AGMO: variants seen among roughly 807,000 people sequenced by gnomAD.
The protein encoded by AGMO is glyceryl-ether monooxygenase.
AGMO carries 75 observed loss-of-function variants against 60.2 expected under a neutral mutation model. The observed-to-expected ratio is 1.25, with a 90% CI of 1.03 to 1.51. AGMO has a LOEUF of 1.51. AGMO is among the 40% of genes most tolerant of loss of function. AGMO has a pLI of 0.00. For synonymous variants in AGMO, 261 were observed against 177.1 expected, an observed-to-expected ratio of 1.47 and a Z score of -3.76; for missense variants, 763 against 525.5, an observed-to-expected ratio of 1.45 and a Z score of -4.42.
At chr7:15,413,026 C>G (rs1780659206) in intron 5 of AGMO, among the ~76,000 whole-genome samples, 1 of 151,892 alleles carries the variant, frequency 6.6e-6, no homozygotes, top group Admixed American at 6.6e-5. Flanking sequence ...TTGAAGTAGA[C>G]CTGAATATGA....
intron 12 of AGMO, among the ~76,000 whole-genome samples, chr7:15,332,119 C>T (rs1240815705): frequency 2.0e-5 from 3 of 152,102 alleles, no homozygotes; most frequent in African/African-American, 7.2e-5. Context: ...ACACACTAGA[C>T]AGGAAGGCTA....
chr7:15,431,220 G>T, intron 3 of AGMO, 112 bp from the exon 4 acceptor site: 1 of 706,214 alleles, frequency 1.4e-6, no homozygotes, highest in Non-Finnish European at 2.5e-6. Flanking sequence ...GAACATCTCT[G>T]TAAAAGCTGG....
the AGMO span, among the ~76,000 whole-genome samples, chr7:15,138,009 C>G: frequency 6.6e-6 from 1 of 152,100 alleles, no homozygotes; most frequent in African/African-American, 2.4e-5. Context: ...TATCCTGGCC[C>G]TCAAAGGCTA....
intron 3 of AGMO, among the ~76,000 whole-genome samples, chr7:15,485,271 C>G (rs994538894): frequency 2.0e-5 from 3 of 150,722 alleles, no homozygotes; most frequent in African/African-American, 7.3e-5. Flanking sequence ...GAGCCGAGAT[C>G]ATGCCATTGC....
chr7:15,192,637 T>C, the AGMO span, among the ~76,000 whole-genome samples: 2 of 152,124 alleles, frequency 1.3e-5, no homozygotes, highest in Admixed American at 6.5e-5. Flanking sequence ...ACCCTGACTC[T>C]CCACTGAGCT....
chr7:15,272,685 G>C (rs867765629), intron 12 of AGMO, among the ~76,000 whole-genome samples: 3 of 152,114 alleles, frequency 2.0e-5, no homozygotes, highest in African/African-American at 4.8e-5. Context: ...TCTAGTTCTA[G>C]ATTCTTGAGG....
intron 12 of AGMO, among the ~76,000 whole-genome samples, chr7:15,265,219 G>C (rs1783397012): frequency 6.6e-6 from 1 of 152,078 alleles, no homozygotes; most frequent in South Asian, 2.1e-4. Context: ...ACTTACAAGT[G>C]GGAGCTAAAC....
chr7:15,493,321 CACAA>C (rs1168077819), intron 3 of AGMO, among the ~76,000 whole-genome samples: 1 of 124,820 alleles, frequency 8.0e-6, no homozygotes, highest in African/African-American at 3.5e-5. Context: ...CACACACGCG[CACAA>C]ACACACAAAA....
chr7:15,285,653 CA>C (rs1299885055), intron 12 of AGMO, among the ~76,000 whole-genome samples: 7 of 152,044 alleles, frequency 4.6e-5, no homozygotes, highest in Admixed American at 1.3e-4. Context: ...CTGCCCAAAG[CA>C]ATCTACAGAT....
intron 12 of AGMO, among the ~76,000 whole-genome samples, chr7:15,339,984 G>A (rs1198544675): frequency 6.6e-6 from 1 of 152,166 alleles, no homozygotes; most frequent in Non-Finnish European, 1.5e-5. Flanking sequence ...CTGAGGCATA[G>A]ATGGAAGGAG....
intron 12 of AGMO, among the ~76,000 whole-genome samples, chr7:15,316,656 G>A (rs1230218061): frequency 6.6e-6 from 1 of 151,870 alleles, no homozygotes; most frequent in East Asian, 1.9e-4. Flanking sequence ...TAAGCAGAGG[G>A]GATAATAATA....
chr7:15,275,154 T>A (rs1783742918), intron 12 of AGMO, among the ~76,000 whole-genome samples: 1 of 152,114 alleles, frequency 6.6e-6, no homozygotes, highest in African/African-American at 2.4e-5. Context: ...TAATTTAAGA[T>A]ACTTCTATCT....
intron 10 of AGMO, among the ~76,000 whole-genome samples, chr7:15,381,798 A>G (rs1783701691): frequency 6.6e-6 from 1 of 152,196 alleles, no homozygotes; most frequent in African/African-American, 2.4e-5. Flanking sequence ...TAGACTGGAT[A>G]AAGAAAATTA....
chr7:15,468,644 T>C (rs1206471114), intron 3 of AGMO, among the ~76,000 whole-genome samples: 2 of 152,128 alleles, frequency 1.3e-5, no homozygotes, highest in Non-Finnish European at 2.9e-5. Context: ...AGTATAGAGA[T>C]ATGTATTCGC....
At chr7:15,355,987 C>T (rs1488546071) in intron 12 of AGMO, among the ~76,000 whole-genome samples, 1 of 144,298 alleles carries the variant, frequency 6.9e-6, no homozygotes, top group Non-Finnish European at 1.5e-5. Context: ...GATCCACCCA[C>T]TTCAATAGTA....
the AGMO span, among the ~76,000 whole-genome samples, chr7:15,147,599 T>C: frequency 6.6e-6 from 1 of 152,102 alleles, no homozygotes; most frequent in Non-Finnish European, 1.5e-5. Context: ...AACCATACCA[T>C]ACCCATTATC....
intron 10 of AGMO, among the ~76,000 whole-genome samples, chr7:15,375,386 ATTTTTTTTTTTT>A (rs71004377): frequency 1.0e-4 from 11 of 109,454 alleles, no homozygotes; most frequent in African/African-American, 3.4e-4. Context: ...TTCTAAAAGG[ATTTTTTTTTTTT>A]TTTTTTTTTT....
At chr7:15,192,216 T>C in the AGMO span, among the ~76,000 whole-genome samples, 54 of 152,056 alleles carry the variant, frequency 3.6e-4, no homozygotes, top group African/African-American at 1.2e-3. Context: ...TATCCCTGTT[T>C]TCCTGCCCAA....
At chr7:15,495,859 TCTCTCTC>T (rs1425938834) in intron 3 of AGMO, among the ~76,000 whole-genome samples, 51 of 145,926 alleles carry the variant, frequency 3.5e-4, no homozygotes, top group South Asian at 2.0e-3. Context: ...CTCTCCTCTC[TCTCTCTC>T]CTCTCTCTCT....
Sources: gnomAD v4.1 joint callset for allele counts (sites outside exome capture counted in the v4.1 genomes callset) on GRCh38, gnomAD v4.1.1 for gene constraint, MANE v1.5 for transcripts, NCBI Gene and HGNC (gene_info 2026-07-23, HGNC 2026-07-21) for gene names.